The following DMD variants were observed in gnomAD, a reference collection of about 807,000 sequenced individuals.
The protein encoded by DMD is mutant dystrophin.
DMD carries 63 observed loss-of-function variants against 330.1 expected under a neutral mutation model. The ratio of observed to expected loss-of-function variants is 0.19; its 90% CI spans 0.16 to 0.24. The LOEUF is 0.24. DMD is among the 10% of genes least tolerant of loss of function. DMD has a pLI of 1.00. For synonymous variants in DMD, 1,223 were observed against 959.8 expected (o/e 1.27, Z -5.07); for missense variants, 3,344 against 2,684.1 (o/e 1.25, Z -5.43).
intron 59 of DMD, among the ~76,000 whole-genome samples, chrX:31,476,419 A>C: frequency 9.9e-6 from 1 of 101,261 alleles, no homozygotes. Flanking sequence ...ATATATATAT[A>C]TACACACACA....
chrX:32,559,710 T>G (rs180831714), intron 16 of DMD, among the ~76,000 whole-genome samples: 3 of 111,899 alleles, frequency 2.7e-5, no homozygotes, highest in Non-Finnish European at 5.6e-5. Flanking sequence ...TCTTGGTACA[T>G]TGGCATATTT....
chrX:32,624,296 G>A (rs1029966204), intron 11 of DMD, among the ~76,000 whole-genome samples: 2 of 111,642 alleles, frequency 1.8e-5, no homozygotes, highest in African/African-American at 6.5e-5. Context: ...AAGTAGTATA[G>A]GGCAGGAGTT....
In DMD at chrX:32,364,720, A is replaced by C; in HGVS notation, c.5026-10T>G. 1 of 1,205,553 alleles carries C rather than the reference A, an allele frequency of 8.3e-7. No individual in the cohort carries two copies. Among genetic ancestry groups the C allele is most frequent in the Non-Finnish European group, 1.1e-6 (1 of 890,570 alleles). On this transcript the variant is annotated splice_polypyrimidine_tract_variant and intron_variant, in intron 35 of 78. Transcript: ENST00000357033. The stretch of plus-strand genomic sequence containing the variant: ...TGTGTTTCTGGTATTCCTTAATTGT[A>C]CAGAGACATACCATGGCATTATTGG...
At position 32,411,852 on chromosome X, in the gene DMD, G is replaced by A; in HGVS notation, c.4133C>T (p.Ser1378Phe). The change falls in exon 30 of 79, where the codon TCC becomes TTC. Residue 1378 changes from serine (S) to phenylalanine (F), a missense_variant. Coordinates refer to ENST00000357033, the MANE Select transcript of DMD (RefSeq NM_004006.3). Reference protein sequence around the residue: ...SIQSAQETEKSLHLIQESLTF... With the variant: ...SIQSAQETEKFLHLIQESLTF... ...GAGGGACTCCTGGATTAAGTGTAAG[G>A]ATTTTTCAGTCTCCTGGGCAGACTG... 1 of 1,210,912 alleles carries A rather than the reference G, an allele frequency of 8.3e-7. No individual in the cohort carries two copies. Among genetic ancestry groups the A allele is most frequent in the Non-Finnish European group, 1.1e-6 (1 of 895,086 alleles).
intron 60 of DMD, among the ~76,000 whole-genome samples, chrX:31,428,478 C>T (rs1379609083): frequency 8.9e-6 from 1 of 111,993 alleles, no homozygotes; most frequent in Non-Finnish European, 1.9e-5. Flanking sequence ...ATAAATTACC[C>T]AGCCTCAGGT....
intron 47 of DMD, among the ~76,000 whole-genome samples, chrX:31,906,900 C>T (rs2094485004): frequency 8.9e-6 from 1 of 112,261 alleles, no homozygotes; most frequent in Non-Finnish European, 1.9e-5. Flanking sequence ...TAAAATAGGA[C>T]ATTTACTCCA....
chrX:31,932,200 T>C lies in DMD; in HGVS notation c.6642A>G (p.Ser2214=), dbSNP rs2150002033. 8.4e-7 allele frequency: 1 copy of C among 1,190,435 alleles called. No individual in the cohort carries two copies. Among genetic ancestry groups the C allele is most frequent in the East Asian group, 3.0e-5 (1 of 33,709 alleles). ...ATTCATTTAAATCTCTTTGAAATTC[T>C]GACAAGATATTCTTTTGTTCTTCTA... ...KRLEEQKNIL[S]EFQRDLNEFV... Residue 2214 remains serine (S), a synonymous_variant, in exon 46 of 79, where the codon TCA becomes TCG. Coordinates refer to ENST00000357033, the MANE Select transcript of DMD (RefSeq NM_004006.3).
intron 37 of DMD, among the ~76,000 whole-genome samples, chrX:32,350,699 T>C (rs2097778556): frequency 1.8e-5 from 2 of 111,119 alleles, no homozygotes; most frequent in African/African-American, 6.5e-5. Flanking sequence ...CAAAAACCTT[T>C]CTTTCATTAT....
At chrX:32,308,827 G>T (rs924382665) in intron 42 of DMD, among the ~76,000 whole-genome samples, 2 of 110,461 alleles carry the variant, frequency 1.8e-5, no homozygotes, top group African/African-American at 6.6e-5. Flanking sequence ...CCATGAACCT[G>T]GGAAGGAATG....
Position 32,691,563 on chromosome X carries a change from T to TA in DMD, c.960+6306dup, listed in dbSNP as rs199512720. 3.5e-3 allele frequency among the ~76,000 whole-genome samples: 395 copies of TA among 111,454 alleles called. 5 individuals are homozygous for TA. The highest frequency in any genetic ancestry group is 0.029 in the Admixed American group (309 of 10,492). On this transcript the variant is annotated intron_variant, in intron 9 of 78. Coordinates refer to ENST00000357033, the MANE Select transcript of DMD (RefSeq NM_004006.3). ...GAACTATTGTACACCGTTGGTGAAG[T>TA]AAAAAATGGCATGGCTATTATGGAA...
intron 1 of DMD, among the ~76,000 whole-genome samples, chrX:33,210,710 G>C (rs1352207684): frequency 1.8e-5 from 2 of 111,475 alleles, no homozygotes; most frequent in African/African-American, 6.5e-5. Flanking sequence ...TAGTAAATGT[G>C]AGTAAGAAAC....
Position 32,800,794 on chromosome X carries a change from G to A in DMD, c.649+8699C>T, listed in dbSNP as rs1213375642. Among the ~76,000 whole-genome samples the A allele has an allele frequency of 2.7e-5, 3 of 110,694 alleles. No homozygotes were observed. The Admixed American group carries it at 2.9e-4, about 11-fold the overall frequency. On this transcript the variant is annotated intron_variant, in intron 7 of 78. Transcript: ENST00000357033. ...AACTCCGATTTATGAGTGAGAACATGCCGAGTTTGATTTTCTGTTCCTATG... is the reference window on the plus strand; with the variant it reads ...AACTCCGATTTATGAGTGAGAACATACCGAGTTTGATTTTCTGTTCCTATG...
At chrX:32,514,614 G>A (rs374021180) in intron 18 of DMD, among the ~76,000 whole-genome samples, 1,445 of 111,931 alleles carry the variant, frequency 0.013, 7 homozygotes, top group South Asian at 0.025. Context: ...GGTGGCGGGC[G>A]CCTGTAGTCC....
At chrX:31,530,468 T>C (rs1057214119) in intron 55 of DMD, among the ~76,000 whole-genome samples, 2 of 110,736 alleles carry the variant, frequency 1.8e-5, no homozygotes, top group African/African-American at 3.3e-5. Context: ...TCCAGCTTGA[T>C]AGCTGGTATG....
At chrX:32,982,590 A>G (rs182261033) in intron 2 of DMD, among the ~76,000 whole-genome samples, 1 of 111,812 alleles carries the variant, frequency 8.9e-6, no homozygotes, top group African/African-American at 3.2e-5. Context: ...ATGCAGGAAT[A>G]AACCCAAGAT....
intron 16 of DMD, among the ~76,000 whole-genome samples, chrX:32,550,012 C>A (rs1425904877): frequency 8.9e-6 from 1 of 112,096 alleles, no homozygotes; most frequent in East Asian, 2.8e-4. Flanking sequence ...AGAAATTCAT[C>A]CTTAGACAAT....
intron 7 of DMD, among the ~76,000 whole-genome samples, chrX:32,734,693 G>A (rs375858274): frequency 9.1e-6 from 1 of 109,590 alleles, no homozygotes. Flanking sequence ...ATGCAGAAAA[G>A]GCCTTTGACA....
chrX:31,156,455 G>A (rs1327163811), intron 74 of DMD, among the ~76,000 whole-genome samples: 1 of 112,177 alleles, frequency 8.9e-6, no homozygotes, highest in African/African-American at 3.2e-5. Flanking sequence ...CCTTTGTGGT[G>A]CCTTTCACCA....
chrX:32,859,712 GTTCTT>G (rs1242830649), intron 2 of DMD, among the ~76,000 whole-genome samples: 1 of 110,914 alleles, frequency 9.0e-6, no homozygotes, highest in Non-Finnish European at 1.9e-5. Flanking sequence ...CCCTTTTCTT[GTTCTT>G]TTGACTATTT....
Sources: allele counts gnomAD v4.1 joint callset (sites outside exome capture counted in the v4.1 genomes callset), GRCh38; gene constraint gnomAD v4.1.1; transcripts MANE v1.5; gene names NCBI Gene and HGNC (gene_info 2026-07-23, HGNC 2026-07-21).